Variants in RASGRF2 observed in about 807,000 individuals in gnomAD.
The protein encoded by RASGRF2 is ras-specific guanine nucleotide-releasing factor 2.
Under a neutral mutation model 151.0 loss-of-function variants are expected in RASGRF2, and 76 were observed. The ratio of observed to expected loss-of-function variants is 0.50; its 90% CI spans 0.42 to 0.61. The LOEUF (loss-of-function observed/expected upper bound fraction) is 0.61, where lower values mean the gene tolerates loss of function less well. RASGRF2 is among the 20% of genes least tolerant of loss of function. The pLI is 0.00. For synonymous variants in RASGRF2, 504 were observed against 566.5 expected (o/e 0.89, Z 1.57); for missense variants, 1,148 against 1,564.6 (o/e 0.73, Z 4.49).
Position 81,065,669 on chromosome 5 carries a change from C to T in RASGRF2, c.396-2363C>T, listed in dbSNP as rs148664581. 5.1e-3 allele frequency among the ~76,000 whole-genome samples: 779 copies of T among 152,196 alleles called. 1 individual carries two copies. Among genetic ancestry groups the T allele is most frequent in the Admixed American group, 8.0e-3 (123 of 15,286 alleles). ...CTCTGTTGTTTACATTTGCTGCTTC[C>T]GAGCTTGGAGACTCTCCGGGCCACT... On this transcript the variant is annotated intron_variant, in intron 2 of 26. Transcript: ENST00000265080.
intron 2 of RASGRF2, among the ~76,000 whole-genome samples, chr5:81,053,367 C>A (rs571309872): frequency 6.9e-6 from 1 of 145,212 alleles, no homozygotes; most frequent in Non-Finnish European, 1.5e-5. Flanking sequence ...TGAGTGAGAA[C>A]ATGCGGTGTT....
intron 1 of RASGRF2, among the ~76,000 whole-genome samples, chr5:80,962,459 C>T (rs558827397): frequency 6.2e-4 from 94 of 151,732 alleles, no homozygotes; most frequent in African/African-American, 2.2e-3. Flanking sequence ...TGTTCCAAGG[C>T]CCCGCAGGAA....
At chr5:80,993,368 T>G (rs543568679) in intron 1 of RASGRF2, among the ~76,000 whole-genome samples, 3 of 152,366 alleles carry the variant, frequency 2.0e-5, no homozygotes, top group African/African-American at 7.2e-5. Context: ...AAGCTTTTGA[T>G]AGTAGAAAGT....
chr5:81,208,205 C>T (rs1396844358), intron 21 of RASGRF2, 149 bp from the exon 22 acceptor site: 3 of 587,824 alleles, frequency 5.1e-6, no homozygotes, highest in African/African-American at 3.7e-5. Flanking sequence ...AGGTAAAATT[C>T]ACTTGTGAGG....
chr5:81,123,530 C>T, intron 15 of RASGRF2, 112 bp from the exon 16 acceptor site: 1 of 1,287,912 alleles, frequency 7.8e-7, no homozygotes, highest in South Asian at 1.6e-5. Flanking sequence ...TATTAAAGCC[C>T]TTTAATGAAA....
chr5:81,045,190 C>T (rs950061710), intron 2 of RASGRF2, among the ~76,000 whole-genome samples: 2 of 152,188 alleles, frequency 1.3e-5, no homozygotes, highest in South Asian at 4.1e-4. Context: ...CATTTCCAGA[C>T]ACAATCTTTT....
At chr5:81,151,396 T>A (rs1164707659) in intron 17 of RASGRF2, among the ~76,000 whole-genome samples, 1 of 151,738 alleles carries the variant, frequency 6.6e-6, no homozygotes, top group East Asian at 1.9e-4. Flanking sequence ...TTTTTTTTTT[T>A]TTTTTTGAGA....
intron 1 of RASGRF2, among the ~76,000 whole-genome samples, chr5:81,032,943 GC>G (rs1233930387): frequency 9.8e-5 from 15 of 152,312 alleles, no homozygotes; most frequent in African/African-American, 3.4e-4. Context: ...AGCAACATCA[GC>G]AAAGTCTCAG....
intron 2 of RASGRF2, among the ~76,000 whole-genome samples, chr5:81,063,559 A>AT (rs1254439452): frequency 1.3e-5 from 2 of 151,840 alleles, no homozygotes; most frequent in African/African-American, 2.4e-5. Context: ...TATTATTAAT[A>AT]TTTTTTCCCT....
At chr5:81,054,036 G>T (rs1486982112) in intron 2 of RASGRF2, among the ~76,000 whole-genome samples, 1 of 152,194 alleles carries the variant, frequency 6.6e-6, no homozygotes, top group Non-Finnish European at 1.5e-5. Flanking sequence ...CCCTTTGTCA[G>T]ATGAGTAGAT....
At chr5:81,018,871 C>T (rs1445323154) in intron 1 of RASGRF2, among the ~76,000 whole-genome samples, 1 of 150,480 alleles carries the variant, frequency 6.6e-6, no homozygotes, top group African/African-American at 2.5e-5. Flanking sequence ...GGCGCAATCT[C>T]GGCTCACTAC....
intron 2 of RASGRF2, among the ~76,000 whole-genome samples, chr5:81,061,406 T>C (rs536448647): frequency 2.7e-4 from 41 of 152,336 alleles, no homozygotes; most frequent in Non-Finnish European, 5.1e-4. Context: ...AGTGGTACTA[T>C]ATGACAATAT....
At chr5:81,020,819 T>C (rs986651191) in intron 1 of RASGRF2, among the ~76,000 whole-genome samples, 14 of 152,170 alleles carry the variant, frequency 9.2e-5, no homozygotes. Context: ...GGAGTTGACA[T>C]TTGTTAAGTG....
chr5:81,052,799 C>A (rs1304853419), intron 2 of RASGRF2, among the ~76,000 whole-genome samples: 1 of 152,122 alleles, frequency 6.6e-6, no homozygotes, highest in Non-Finnish European at 1.5e-5. Flanking sequence ...GTACTATTGT[C>A]ATCCATGCTT....
intron 26 of RASGRF2, among the ~76,000 whole-genome samples, chr5:81,220,248 A>C (rs914863767): frequency 1.3e-5 from 2 of 152,080 alleles, no homozygotes; most frequent in African/African-American, 2.4e-5. Flanking sequence ...TATGGCCCCT[A>C]CTTTTTTCTT....
intron 1 of RASGRF2, among the ~76,000 whole-genome samples, chr5:81,016,656 A>G (rs1047735709): frequency 2.6e-5 from 4 of 152,192 alleles, no homozygotes; most frequent in African/African-American, 7.2e-5. Flanking sequence ...ATAGAATAAT[A>G]TATTCATTAC....
intron 18 of RASGRF2, among the ~76,000 whole-genome samples, chr5:81,185,211 G>A (rs1280734861): frequency 6.6e-6 from 1 of 152,234 alleles, no homozygotes; most frequent in Non-Finnish European, 1.5e-5. Context: ...TATGGGGAAG[G>A]TGGGGAGATG....
At chr5:81,212,670 G>T (rs966121137) in intron 23 of RASGRF2, 107 bp downstream of exon 23, 5 of 1,109,614 alleles carry the variant, frequency 4.5e-6, no homozygotes, top group Non-Finnish European at 6.2e-6. Flanking sequence ...GAAATGAGCC[G>T]CTCAGTTGCC....
chr5:81,059,383 CA>C (rs35051372), intron 2 of RASGRF2, among the ~76,000 whole-genome samples: 2,257 of 89,660 alleles, frequency 0.025, 55 homozygotes, highest in African/African-American at 0.095. Flanking sequence ...GACTCCGCCT[CA>C]AAAAAAAAAA....
Sources: gnomAD v4.1 joint callset for allele counts (sites outside exome capture counted in the v4.1 genomes callset) on GRCh38, gnomAD v4.1.1 for gene constraint, MANE v1.5 for transcripts, NCBI Gene and HGNC (gene_info 2026-07-23, HGNC 2026-07-21) for gene names.